Variants in PUDP observed in about 807,000 individuals in gnomAD.
The protein encoded by PUDP is pseudouridine 5'-phosphatase.
A neutral mutation model predicts 9.4 loss-of-function variants in PUDP; 8 were observed. That is an observed-to-expected ratio of 0.85 (90% CI 0.50 to 1.53). The LOEUF (loss-of-function observed/expected upper bound fraction) is 1.53, where lower values mean the gene tolerates loss of function less well. PUDP is among the 40% of genes most tolerant of loss of function. The pLI, the probability that PUDP is intolerant of heterozygous loss-of-function variation, is 0.00. For missense variants in PUDP, 188 were observed against 189.7 expected (o/e 0.99, Z 0.05); for synonymous variants, 99 against 80.7 (o/e 1.23, Z -1.22).
chrX:6,809,184 A>T (rs1259860202), intron 3 of PUDP, among the ~76,000 whole-genome samples: 1 of 111,372 alleles, frequency 9.0e-6, no homozygotes, highest in East Asian at 2.8e-4. Context: ...CATGTCTTCA[A>T]GTTGCCACAG....
At chrX:6,816,300 G>A (rs1442809902) in intron 3 of PUDP, among the ~76,000 whole-genome samples, 1 of 103,734 alleles carries the variant, frequency 9.6e-6, no homozygotes, top group Non-Finnish European at 2.0e-5. Context: ...TATATGCATA[G>A]TACATATATT....
At chrX:6,930,012 G>C (rs1928164557) in intron 3 of PUDP, among the ~76,000 whole-genome samples, 1 of 111,464 alleles carries the variant, frequency 9.0e-6, no homozygotes, top group Non-Finnish European at 1.9e-5. Flanking sequence ...GAATTTTGTG[G>C]TACCCCAAGA....
chrX:6,803,009 T>C (rs866367226), intron 3 of PUDP, among the ~76,000 whole-genome samples: 1 of 6,510 alleles, frequency 1.5e-4, no homozygotes, highest in Non-Finnish European at 2.3e-4. Flanking sequence ...TAAAATAAAA[T>C]AAAATAAAAT....
chrX:7,143,686 T>G (rs773110428), intron 1 of PUDP, among the ~76,000 whole-genome samples: 2 of 112,135 alleles, frequency 1.8e-5, no homozygotes, highest in African/African-American at 6.5e-5. Flanking sequence ...CAATATAGCA[T>G]CTTACTCTAA....
chrX:6,923,887 A>T (rs2146765058), intron 3 of PUDP, among the ~76,000 whole-genome samples: 1 of 111,292 alleles, frequency 9.0e-6, no homozygotes, highest in South Asian at 3.9e-4. Context: ...CCGGGGACAC[A>T]CACTTTGCTA....
chrX:7,126,321 G>C (rs1175031673), intron 1 of PUDP, among the ~76,000 whole-genome samples: 8 of 111,325 alleles, frequency 7.2e-5, no homozygotes, highest in African/African-American at 2.6e-4. Context: ...TAACTGAACA[G>C]ACCTGGGCCA....
chrX:7,044,168 A>C (rs1029854418), downstream of PUDP, among the ~76,000 whole-genome samples: 5 of 112,856 alleles, frequency 4.4e-5, no homozygotes, highest in African/African-American at 1.6e-4. Context: ...AGAAAACTGA[A>C]GACCAAAGTA....
intron 3 of PUDP, among the ~76,000 whole-genome samples, chrX:6,821,531 A>C (rs1926341769): frequency 9.0e-6 from 1 of 111,517 alleles, no homozygotes; most frequent in African/African-American, 3.3e-5. Context: ...TCTCCTCCAA[A>C]GCAGGCCATG....
intron 3 of PUDP, among the ~76,000 whole-genome samples, chrX:7,076,119 C>T (rs1380062969): frequency 1.8e-5 from 2 of 111,666 alleles, no homozygotes; most frequent in African/African-American, 6.5e-5. Context: ...TAGTAAGTTG[C>T]ACCCTGGGCA....
intron 3 of PUDP, among the ~76,000 whole-genome samples, chrX:6,837,506 C>A (rs997411148): frequency 1.8e-5 from 2 of 112,819 alleles, no homozygotes; most frequent in African/African-American, 6.4e-5. Flanking sequence ...CATGTGCATA[C>A]GCACACACAC....
At chrX:6,841,987 C>T (rs1926679781) in intron 3 of PUDP, among the ~76,000 whole-genome samples, 1 of 111,045 alleles carries the variant, frequency 9.0e-6, no homozygotes, top group African/African-American at 3.3e-5. Flanking sequence ...TGTGCTGTTG[C>T]ATGTGTGTGC....
chrX:6,715,375 T>G (rs1441298615), intron 1 of PUDP, among the ~76,000 whole-genome samples: 6 of 111,285 alleles, frequency 5.4e-5, no homozygotes, highest in Admixed American at 4.8e-4. Context: ...GCACCTGATC[T>G]CACCCCCAAA....
chrX:6,794,589 G>C (rs759840845), intron 3 of PUDP, among the ~76,000 whole-genome samples: 66 of 104,182 alleles, frequency 6.3e-4, no homozygotes, highest in African/African-American at 2.3e-3. Flanking sequence ...TTTTTTTTTG[G>C]AGATGGAGTC....
At chrX:6,902,545 G>C (rs964524607) in intron 3 of PUDP, among the ~76,000 whole-genome samples, 6 of 112,539 alleles carry the variant, frequency 5.3e-5, no homozygotes, top group Non-Finnish European at 9.4e-5. Context: ...GGAAGAGGTA[G>C]AGGCTCCTGC....
At chrX:7,026,781 T>C (rs1218626697) in intron 1 of PUDP, among the ~76,000 whole-genome samples, 1 of 111,958 alleles carries the variant, frequency 8.9e-6, no homozygotes, top group African/African-American at 3.3e-5. Flanking sequence ...AATGATCTTG[T>C]TAAATGTCAG....
chrX:6,743,276 A>T (rs1924961179), intron 3 of PUDP, among the ~76,000 whole-genome samples: 1 of 112,259 alleles, frequency 8.9e-6, no homozygotes, highest in Non-Finnish European at 1.9e-5. Flanking sequence ...CCAGTCAACA[A>T]GTTTCATCAC....
chrX:6,876,485 T>C (rs200996075), intron 3 of PUDP, among the ~76,000 whole-genome samples: 3 of 102,035 alleles, frequency 2.9e-5, no homozygotes, highest in Non-Finnish European at 6.0e-5. Context: ...CACATATACA[T>C]ATAGACACAT....
intron 1 of PUDP, among the ~76,000 whole-genome samples, chrX:7,131,323 C>T (rs1327067127): frequency 9.0e-6 from 1 of 111,090 alleles, no homozygotes; most frequent in Non-Finnish European, 1.9e-5. Context: ...AAATATATGT[C>T]CACGTCCTAA....
chrX:7,115,962 G>C (rs1932184186), intron 1 of PUDP, among the ~76,000 whole-genome samples: 2 of 112,628 alleles, frequency 1.8e-5, no homozygotes, highest in South Asian at 7.2e-4. Context: ...GAAGACAAGA[G>C]AAGCCCACGA....
Sources: allele counts gnomAD v4.1 joint callset (sites outside exome capture counted in the v4.1 genomes callset), GRCh38; gene constraint gnomAD v4.1.1; transcripts MANE v1.5; gene names NCBI Gene and HGNC (gene_info 2026-07-23, HGNC 2026-07-21).